SVEP1: variants seen among roughly 807,000 people sequenced by gnomAD.
SVEP1 encodes sushi, von Willebrand factor type A, EGF and pentraxin domain-containing protein 1.
A neutral mutation model predicts 367.3 loss-of-function variants in SVEP1; 164 were observed. That is an observed-to-expected ratio of 0.45 (90% CI 0.39 to 0.51). SVEP1 has a LOEUF of 0.51. Among genes scored for constraint, SVEP1 ranks in the 20% least tolerant of loss-of-function variants. The pLI is 0.00. For synonymous variants in SVEP1, 1,666 were observed against 1,611.6 expected (o/e 1.03, Z -0.81); for missense variants, 4,117 against 4,425.3 (o/e 0.93, Z 1.98).
intron 44 of SVEP1, among the ~76,000 whole-genome samples, chr9:110,377,884 C>A (rs2118948586): frequency 6.6e-6 from 1 of 151,738 alleles, no homozygotes; most frequent in Admixed American, 6.6e-5. Flanking sequence ...CACCCCCTCC[C>A]AGCTCCTGGG....
intron 27 of SVEP1, among the ~76,000 whole-genome samples, chr9:110,440,854 CCTGTGGGCATGTATCAATAAG>C (rs1185478772): frequency 2.0e-5 from 3 of 152,274 alleles, no homozygotes; most frequent in Non-Finnish European, 4.4e-5. Context: ...ACCTGCTCCA[CCTGTGGGCATGTATCAATAAG>C]CTAATCTAAG....
At chr9:110,455,420 G>A (rs2118626476) in intron 22 of SVEP1, among the ~76,000 whole-genome samples, 170 bp downstream of exon 22, 1 of 152,236 alleles carries the variant, frequency 6.6e-6, no homozygotes, top group East Asian at 1.9e-4. Flanking sequence ...AACCGGAAAA[G>A]GACAAGAACA....
intron 40 of SVEP1, among the ~76,000 whole-genome samples, chr9:110,399,913 T>C (rs987559932): frequency 1.3e-5 from 2 of 152,192 alleles, no homozygotes; most frequent in South Asian, 4.1e-4. Context: ...CATGGTGTAA[T>C]GTAAAATAGG....
chr9:110,413,395 G>A (rs993659430), intron 36 of SVEP1, among the ~76,000 whole-genome samples: 1 of 125,392 alleles, frequency 8.0e-6, no homozygotes, highest in African/African-American at 3.1e-5. Context: ...CTGTTGTGGG[G>A]TGGGGGGAGG....
At position 110,513,985 on chromosome 9, in the gene SVEP1, G is replaced by T. The variant is rs939581910; in HGVS notation, c.1086C>A (p.Cys362Ter). 1.9e-6 allele frequency: 3 copies of T among 1,613,150 alleles called. No individual in the cohort carries two copies. Among genetic ancestry groups the T allele is most frequent in the Non-Finnish European group, 2.5e-6 (3 of 1,179,600 alleles). The change falls in exon 4 of 48, where the codon TGC becomes TGA. Residue 362 changes from cysteine (C) to a stop codon, truncating the protein, a stop_gained. Transcript: ENST00000374469. LOFTEE classifies it high-confidence loss of function. The stretch of plus-strand genomic sequence containing the variant: ...GGCCAGATGCCCTGTATCCCTCTCT[G>T]CAGACACAGTCTTCAGGGGATGTGC... Reference protein sequence around the residue: ...PGSTSPEDCVCREGYRASGQT... With the variant: ...PGSTSPEDCV
chr9:110,508,519 T>C (rs144303971), intron 5 of SVEP1, among the ~76,000 whole-genome samples: 3,147 of 152,032 alleles, frequency 0.021, 33 homozygotes, highest in Non-Finnish European at 0.025. Flanking sequence ...CCCGGCACTT[T>C]GGGAGGCTGA....
intron 3 of SVEP1, among the ~76,000 whole-genome samples, chr9:110,531,500 C>G (rs1402026920): frequency 1.3e-5 from 2 of 152,150 alleles, no homozygotes; most frequent in African/African-American, 4.8e-5. Context: ...GAGGATTTCC[C>G]TGCATTTGCT....
intron 39 of SVEP1, among the ~76,000 whole-genome samples, chr9:110,401,265 G>A (rs1827856403): frequency 1.3e-5 from 2 of 151,920 alleles, no homozygotes; most frequent in African/African-American, 4.8e-5. Context: ...CTTCCTAATA[G>A]AATCTATTCA....
chr9:110,453,225 T>C (rs1481828387), intron 22 of SVEP1, among the ~76,000 whole-genome samples: 3 of 152,114 alleles, frequency 2.0e-5, no homozygotes, highest in Admixed American at 6.6e-5. Context: ...AATGATGAGT[T>C]AGGTACAATG....
intron 36 of SVEP1, among the ~76,000 whole-genome samples, chr9:110,412,481 T>C (rs1467607893): frequency 6.6e-6 from 1 of 152,210 alleles, no homozygotes; most frequent in East Asian, 1.9e-4. Flanking sequence ...GACATAGGCA[T>C]GGGCAAGGAC....
intron 47 of SVEP1, among the ~76,000 whole-genome samples, chr9:110,366,881 C>T (rs559514646): frequency 6.6e-6 from 1 of 152,302 alleles, no homozygotes; most frequent in South Asian, 2.1e-4. Flanking sequence ...TCTCTTAGTC[C>T]ATTAACAATC....
chr9:110,386,470 T>TTCTC (rs1827524204), intron 42 of SVEP1, among the ~76,000 whole-genome samples: 1 of 151,828 alleles, frequency 6.6e-6, no homozygotes, highest in Non-Finnish European at 1.5e-5. Flanking sequence ...ATGCTTCTCA[T>TTCTC]TGTCACCTTA....
Position 110,411,792 on chromosome 9 carries a change from T to A in SVEP1, c.5976-57A>T. On this transcript the variant is annotated intron_variant, in intron 36 of 47. Coordinates refer to ENST00000374469, the MANE Select transcript of SVEP1 (RefSeq NM_153366.4). The stretch of plus-strand genomic sequence containing the variant: ...AAGCATAATATTTGAGAAAAAGTGT[T>A]TGTGTCTTCTTCTATTTTTTAAATC... 3 of 1,397,240 alleles carry A rather than the reference T, an allele frequency of 2.1e-6. No individual in the cohort carries two copies. In the South Asian group the frequency reaches 4.8e-5, roughly 23 times the overall value. 86.6% of individuals were successfully genotyped at this position (1,397,240 alleles called of 1,614,324 possible).
chr9:110,460,845 T>C (rs545207054), intron 18 of SVEP1, among the ~76,000 whole-genome samples: 1 of 152,330 alleles, frequency 6.6e-6, no homozygotes, highest in South Asian at 2.1e-4. Context: ...ACATACAGAT[T>C]TTGTTGTATT....
At chr9:110,473,455 T>C (rs201096675) in intron 14 of SVEP1, among the ~76,000 whole-genome samples, 9 of 144,006 alleles carry the variant, frequency 6.2e-5, no homozygotes, top group African/African-American at 2.0e-4. Context: ...TACATATACA[T>C]ACACACACAC....
chr9:110,392,140 T>TAG (rs1827666236), intron 40 of SVEP1, among the ~76,000 whole-genome samples: 1 of 147,294 alleles, frequency 6.8e-6, no homozygotes, highest in African/African-American at 2.6e-5. Flanking sequence ...TCATTATATA[T>TAG]ATATATATAT....
intron 1 of SVEP1, among the ~76,000 whole-genome samples, chr9:110,571,671 C>A (rs985202041): frequency 1.3e-5 from 2 of 152,186 alleles, no homozygotes; most frequent in African/African-American, 4.8e-5. Context: ...TAAGCTACTC[C>A]TAGCCACTTC....
intron 3 of SVEP1, among the ~76,000 whole-genome samples, chr9:110,525,616 A>T (rs1448572168): frequency 6.6e-6 from 1 of 152,114 alleles, no homozygotes; most frequent in East Asian, 1.9e-4. Flanking sequence ...AGCTAAGACA[A>T]TTATAAAGAA....
At chr9:110,540,282 T>C (rs977347200) in intron 3 of SVEP1, among the ~76,000 whole-genome samples, 2 of 151,984 alleles carry the variant, frequency 1.3e-5, no homozygotes, top group African/African-American at 4.8e-5. Flanking sequence ...AGATCCACAG[T>C]TTTGCAATAC....
Sources: gnomAD v4.1 joint callset for allele counts (sites outside exome capture counted in the v4.1 genomes callset) on GRCh38, gnomAD v4.1.1 for gene constraint, MANE v1.5 for transcripts, NCBI Gene and HGNC (gene_info 2026-07-23, HGNC 2026-07-21) for gene names.